BMP6: variants seen among roughly 807,000 people sequenced by gnomAD.
The protein encoded by BMP6 is VG-1-R.
Under a neutral mutation model 54.1 loss-of-function variants are expected in BMP6, and 17 were observed. The observed-to-expected ratio is 0.31, with a 90% CI of 0.22 to 0.47. The LOEUF (loss-of-function observed/expected upper bound fraction) is 0.47. Among genes scored for constraint, BMP6 ranks in the 20% least tolerant of loss-of-function variants. The pLI is 1.00. For synonymous variants in BMP6, 328 were observed against 291.2 expected, an observed-to-expected ratio of 1.13 and a Z score of -1.28; for missense variants, 720 against 690.4, an observed-to-expected ratio of 1.04 and a Z score of -0.48.
At chr6:7,761,427 CTCT>C (rs1300537205) in intron 1 of BMP6, among the ~76,000 whole-genome samples, 1 of 152,346 alleles carries the variant, frequency 6.6e-6, no homozygotes, top group Middle Eastern at 3.4e-3. Context: ...AAGTGCATTT[CTCT>C]TCTTGTAAGA....
At chr6:7,762,272 T>C (rs1482219758) in intron 1 of BMP6, among the ~76,000 whole-genome samples, 1 of 152,156 alleles carries the variant, frequency 6.6e-6, no homozygotes, top group Non-Finnish European at 1.5e-5. Context: ...AAGGTGTGAG[T>C]GGTCAAATGT....
At chr6:7,854,003 G>A (rs267202) in intron 2 of BMP6, among the ~76,000 whole-genome samples, 60,297 of 152,002 alleles carry the variant, frequency 0.4, 12,709 homozygotes, top group East Asian at 0.77. Flanking sequence ...AGAATGTTAT[G>A]GAGAGGAATT....
rs1239195738 is a variant in BMP6 at position 7,825,420 on chromosome 6, T to C, written c.665-19720T>C. On this transcript the variant is annotated intron_variant, in intron 1 of 6. Coordinates refer to ENST00000283147, the MANE Select transcript of BMP6 (RefSeq NM_001718.6). The stretch of plus-strand genomic sequence containing the variant: ...AAATCTGGCCATCTCTGAGAACTTA[T>C]AAAACTTTAGTGGTTTTAGGCCAGG... Among the ~76,000 whole-genome samples, 7 of 152,204 alleles carry C rather than the reference T, an allele frequency of 4.6e-5. No individual in the cohort carries two copies. In the East Asian group the frequency reaches 9.6e-4, roughly 21 times the overall value.
intron 5 of BMP6, 119 bp downstream of exon 5, chr6:7,879,269 T>A: frequency 9.2e-7 from 1 of 1,087,240 alleles, no homozygotes; most frequent in Non-Finnish European, 1.4e-6. Flanking sequence ...CTTCCTTCTG[T>A]GGAAGTCCTG....
chr6:7,809,777 C>T (rs1433880853), intron 1 of BMP6, among the ~76,000 whole-genome samples: 2 of 152,140 alleles, frequency 1.3e-5, no homozygotes, highest in Non-Finnish European at 2.9e-5. Flanking sequence ...ATTCATACTG[C>T]GTTCAGCTTG....
At chr6:7,807,521 C>T (rs534321850) in intron 1 of BMP6, among the ~76,000 whole-genome samples, 11 of 152,206 alleles carry the variant, frequency 7.2e-5, no homozygotes, top group South Asian at 6.2e-4. Context: ...CCTAGTGATC[C>T]GCCCACCTTG....
intron 1 of BMP6, among the ~76,000 whole-genome samples, chr6:7,802,844 G>A (rs1362331435): frequency 6.6e-6 from 1 of 152,188 alleles, no homozygotes; most frequent in Non-Finnish European, 1.5e-5. Context: ...GGGCCCATCT[G>A]GCCTTCTGGC....
At chr6:7,775,942 A>G (rs1026980356) in intron 1 of BMP6, among the ~76,000 whole-genome samples, 2 of 152,202 alleles carry the variant, frequency 1.3e-5, no homozygotes, top group African/African-American at 2.4e-5. Context: ...CACTCATTCT[A>G]CTTACATTAG....
intron 1 of BMP6, among the ~76,000 whole-genome samples, chr6:7,816,337 G>C (rs1758525910): frequency 6.6e-6 from 1 of 152,156 alleles, no homozygotes; most frequent in South Asian, 2.1e-4. Context: ...CCACAGAACA[G>C]ATATCCTCCC....
chr6:7,872,399 T>C (rs1759543073), intron 4 of BMP6, among the ~76,000 whole-genome samples: 1 of 152,086 alleles, frequency 6.6e-6, no homozygotes, highest in East Asian at 1.9e-4. Flanking sequence ...TTCATAAATA[T>C]TTATACGTTC....
chr6:7,787,275 G>A (rs1489103411), intron 1 of BMP6, among the ~76,000 whole-genome samples: 2 of 152,158 alleles, frequency 1.3e-5, no homozygotes, highest in Admixed American at 6.5e-5. Flanking sequence ...AAATATGCGT[G>A]AACTTCTCTG....
intron 1 of BMP6, among the ~76,000 whole-genome samples, chr6:7,737,340 G>A (rs1409741796): frequency 6.6e-6 from 1 of 152,132 alleles, no homozygotes; most frequent in African/African-American, 2.4e-5. Context: ...GATATCCATG[G>A]GCAGGACTAA....
chr6:7,727,302 A>C lies in BMP6; in HGVS notation c.347A>C (p.Gln116Pro), dbSNP rs766146566. The part of the protein sequence containing the change: ...ALRQQEEQQQ[Q>P]QQLPRGEPPP... ...CGGCAGCAGGAGGAGCAGCAGCAGC[A>C]GCAGCAGCTGCCTCGCGGAGAGCCC... Residue 116 changes from glutamine (Q) to proline (P), a missense_variant, in exon 1 of 7, where the codon CAG (glutamine) becomes CCG (proline). Physicochemically the swap from Gln to Pro is moderately conservative, Grantham distance 76. This residue lies in a region of BMP6 where 650 missense variants were observed against 556.3 expected (regional missense o/e 1.17). Transcript: ENST00000283147. 6.2e-7 allele frequency: 1 copy of C among 1,608,046 alleles called. No homozygotes were observed. Among genetic ancestry groups the C allele is most frequent in the Admixed American group, 1.7e-5 (1 of 59,684 alleles).
intron 1 of BMP6, among the ~76,000 whole-genome samples, chr6:7,758,914 A>T (rs1467827733): frequency 6.6e-6 from 1 of 152,222 alleles, no homozygotes; most frequent in Non-Finnish European, 1.5e-5. Context: ...ATGGTAGAAT[A>T]GAGGTCCTCG....
intron 1 of BMP6, among the ~76,000 whole-genome samples, chr6:7,814,584 ATC>A (rs995815319): frequency 6.6e-6 from 1 of 152,052 alleles, no homozygotes; most frequent in Non-Finnish European, 1.5e-5. Context: ...TGTAGGAAGT[ATC>A]TCTCTCTACC....
At chr6:7,756,625 G>A (rs1757518964) in intron 1 of BMP6, among the ~76,000 whole-genome samples, 2 of 152,244 alleles carry the variant, frequency 1.3e-5, no homozygotes, top group Non-Finnish European at 2.9e-5. Context: ...AAGATGCTGT[G>A]TGCTGGATTT....
At position 7,880,962 on chromosome 6, in the gene BMP6, T is replaced by C. The variant is rs930196039; in HGVS notation, c.*619T>C. 6.5e-6 allele frequency: 1 copy of C among 154,634 alleles called. No homozygotes were observed. The highest frequency in any genetic ancestry group is 1.4e-5 in the Non-Finnish European group (1 of 69,520). The allele number at this position is 154,634 out of a possible 1,614,324, so 9.6% of individuals were successfully genotyped here. A position where few individuals can be genotyped will look rare whatever the true frequency, so the allele number is the denominator to read the frequency against. The stretch of plus-strand genomic sequence containing the variant: ...AAATACACTTATTTCAGCCAAAACA[T>C]ACCATTTCTACACCTCAATCCTCCA... On this transcript the variant is annotated 3_prime_UTR_variant, in exon 7 of 7. Coordinates refer to ENST00000283147, the MANE Select transcript of BMP6 (RefSeq NM_001718.6).
At chr6:7,733,507 C>T (rs930971533) in intron 1 of BMP6, among the ~76,000 whole-genome samples, 2 of 152,064 alleles carry the variant, frequency 1.3e-5, no homozygotes, top group African/African-American at 4.8e-5. Context: ...ACCATCCTGT[C>T]CCCCCCTCCC....
rs1561749650 is a variant in BMP6, at chr6:7,726,432, A to G, written c.-524A>G. The stretch of plus-strand genomic sequence containing the variant: ...CTTGTCGCCGCAGCCTGGGCCCTGC[A>G]ACGGGGTAAACTTCATGGTGGCCCT... On this transcript the variant is annotated 5_prime_UTR_variant, in exon 1 of 7. Transcript: ENST00000283147. Among the ~76,000 whole-genome samples, 1 of 152,114 alleles carries G rather than the reference A, an allele frequency of 6.6e-6. No homozygotes were observed. The highest frequency in any genetic ancestry group is 2.4e-5 in the African/African-American group (1 of 41,438).
Sources: allele counts gnomAD v4.1 joint callset (sites outside exome capture counted in the v4.1 genomes callset), GRCh38; gene constraint gnomAD v4.1.1; regional missense constraint gnomAD v4.1.1; transcripts MANE v1.5; gene names NCBI Gene and HGNC (gene_info 2026-07-23, HGNC 2026-07-21).